The following ZNF599 variants were observed in gnomAD, a reference collection of about 807,000 sequenced individuals.
The protein encoded by ZNF599 is zinc finger protein 599.
A neutral mutation model predicts 11.7 loss-of-function variants in ZNF599; 10 were observed. That is an observed-to-expected ratio of 0.86 (90% confidence interval 0.53 to 1.45). The LOEUF (loss-of-function observed/expected upper bound fraction) is 1.45, where lower values mean the gene tolerates loss of function less well. Ranked by LOEUF, ZNF599 falls within the 40% of genes most tolerant of loss-of-function variation. ZNF599 has a pLI of 0.00. For missense variants in ZNF599, 688 were observed against 713.6 expected (o/e 0.96, Z 0.41); for synonymous variants, 232 against 253.2 (o/e 0.92, Z 0.79).
chr19:34,798,389 A>G, the ZNF599 span, among the ~76,000 whole-genome samples: 9 of 152,190 alleles, frequency 5.9e-5, no homozygotes, highest in Non-Finnish European at 1.5e-5. Flanking sequence ...TAACTTAAAC[A>G]TGTATTCTTA....
chr19:34,759,131 T>C lies in ZNF599; in HGVS notation c.1670A>G (p.His557Arg), dbSNP rs371188132. 75 of 1,614,138 alleles carry C rather than the reference T, an allele frequency of 4.6e-5. No individual in the cohort carries two copies. Among genetic ancestry groups the C allele is most frequent in the Non-Finnish European group, 5.7e-5 (67 of 1,180,052 alleles). ...NFALTQHMRT[H>R]TGEKPFECNE... ...GCATTCAAAGGGTTTCTCTCCAGTGTGAGTTCTCATGTGCTGAGTTAAAGC... is the reference window on the plus strand; with the variant it reads ...GCATTCAAAGGGTTTCTCTCCAGTGCGAGTTCTCATGTGCTGAGTTAAAGC... The change falls in exon 4 of 4, where the codon CAC (histidine) becomes CGC (arginine). Residue 557 changes from histidine to arginine, a missense_variant. By Grantham distance (29) the His-to-Arg change is conservative. Coordinates refer to ENST00000329285, the MANE Select transcript of ZNF599 (RefSeq NM_001007248.3).
upstream of ZNF599, among the ~76,000 whole-genome samples, chr19:34,776,645 A>T (rs2069217714): frequency 6.6e-6 from 1 of 152,246 alleles, no homozygotes; most frequent in South Asian, 2.1e-4. Context: ...GTGAGGAATT[A>T]GTGGAGCCCC....
intron 3 of ZNF599, chr19:34,763,443 T>G (rs530965028): frequency 6.6e-6 from 1 of 152,226 alleles, no homozygotes; most frequent in East Asian, 1.9e-4. Flanking sequence ...GGCGGATCAC[T>G]GAAGGTCGGG....
chr19:34,772,914 C>A lies in ZNF599; in HGVS notation c.-73G>T. 2 of 1,394,890 alleles carry A rather than the reference C, an allele frequency of 1.4e-6. No homozygotes were observed. The highest frequency in any genetic ancestry group is 9.3e-7 in the Non-Finnish European group (1 of 1,079,320). The allele number at this position is 1,394,890 out of a possible 1,614,324, so 86.4% of individuals were successfully genotyped here. ...TCCTGCGGGCTCGGCCGACCCCGGG[C>A]TCCGGCTCTGGGCTGCGAGGGACCT... On this transcript the variant is annotated 5_prime_UTR_variant, in exon 1 of 4. Coordinates refer to ENST00000329285, the MANE Select transcript of ZNF599 (RefSeq NM_001007248.3).
rs141393123 is a variant in ZNF599, at chr19:34,771,460, G to A, written c.18+1364C>T. ...CTGCCTCTCAGCACATTATCAATGC[G>A]CTCAGTGAAGACCAGCTACTATTTG... On this transcript the variant is annotated intron_variant, in intron 1 of 3. Transcript: ENST00000329285. Among the ~76,000 whole-genome samples, 699 of 152,264 alleles carry A rather than the reference G, an allele frequency of 4.6e-3. 5 individuals are homozygous for A. Among genetic ancestry groups the A allele is most frequent in the African/African-American group, 0.016 (680 of 41,552 alleles).
At chr19:34,765,964 T>C (rs1230284444) in intron 3 of ZNF599, among the ~76,000 whole-genome samples, 3 of 152,092 alleles carry the variant, frequency 2.0e-5, no homozygotes, top group Non-Finnish European at 2.9e-5. Flanking sequence ...ATGGTCAAGA[T>C]TCGGGGATGG....
chr19:34,797,275 C>T, the ZNF599 span, among the ~76,000 whole-genome samples: 6 of 152,144 alleles, frequency 3.9e-5, no homozygotes, highest in Non-Finnish European at 8.8e-5. Flanking sequence ...AATAAACATA[C>T]GTGTGCATGT....
chr19:34,788,010 T>A, the ZNF599 span, among the ~76,000 whole-genome samples: 1 of 152,254 alleles, frequency 6.6e-6, no homozygotes, highest in African/African-American at 2.4e-5. Flanking sequence ...ACGCCTTTTT[T>A]TCTTATTATT....
At chr19:34,772,776 T>G in intron 1 of ZNF599, 48 bp downstream of exon 1, 1 of 1,534,832 alleles carries the variant, frequency 6.5e-7, no homozygotes. Context: ...GATGGGTGCA[T>G]GCGGGCGGTG....
chr19:34,780,703 CAAGAAAGAGAAAGAAGGA>C, the ZNF599 span, among the ~76,000 whole-genome samples: 1 of 121,754 alleles, frequency 8.2e-6, no homozygotes, highest in Non-Finnish European at 1.6e-5. Context: ...AGAGAGAAAG[CAAGAAAGAGAAAGAAGGA>C]AAGAAAGAGA....
chr19:34,798,539 A>G, the ZNF599 span, among the ~76,000 whole-genome samples: 2 of 152,240 alleles, frequency 1.3e-5, no homozygotes, highest in African/African-American at 2.4e-5. Flanking sequence ...CAATTCCAGT[A>G]TACATGTATA....
the ZNF599 span, among the ~76,000 whole-genome samples, chr19:34,788,253 C>T: frequency 5.3e-5 from 8 of 152,280 alleles, 1 homozygote; most frequent in Admixed American, 4.6e-4. Flanking sequence ...ATTTCTCCTC[C>T]ACACTCAATA....
the ZNF599 span, among the ~76,000 whole-genome samples, chr19:34,786,164 T>G: frequency 2.0e-5 from 3 of 152,316 alleles, no homozygotes; most frequent in African/African-American, 7.2e-5. Flanking sequence ...TCTCCTCACC[T>G]AGGCCCTGAT....
the ZNF599 span, among the ~76,000 whole-genome samples, chr19:34,789,133 C>G: frequency 6.6e-6 from 1 of 152,166 alleles, no homozygotes; most frequent in East Asian, 1.9e-4. Flanking sequence ...ACTCCTATGA[C>G]TTTTTTAGAT....
chr19:34,770,523 A>C (rs2069176687), intron 1 of ZNF599, among the ~76,000 whole-genome samples: 1 of 152,236 alleles, frequency 6.6e-6, no homozygotes, highest in South Asian at 2.1e-4. Context: ...GGGAGAGCTC[A>C]AACAAAGTTT....
chr19:34,782,887 A>G, the ZNF599 span, among the ~76,000 whole-genome samples: 1 of 152,158 alleles, frequency 6.6e-6, no homozygotes, highest in Non-Finnish European at 1.5e-5. Flanking sequence ...GATGGAGGCT[A>G]TTGACTCCAT....
upstream of ZNF599, among the ~76,000 whole-genome samples, chr19:34,777,240 T>G (rs1297148910): frequency 7.6e-6 from 1 of 131,982 alleles, no homozygotes; most frequent in Non-Finnish European, 1.6e-5. Flanking sequence ...TATTTAAATA[T>G]ATATTTAAAA....
the ZNF599 span, among the ~76,000 whole-genome samples, chr19:34,789,670 A>G: frequency 1.5e-4 from 23 of 152,252 alleles, no homozygotes; most frequent in African/African-American, 5.5e-4. Context: ...CTAAATGTCT[A>G]TTCAGGTCCT....
At chr19:34,785,919 C>G in the ZNF599 span, among the ~76,000 whole-genome samples, 2 of 152,112 alleles carry the variant, frequency 1.3e-5, no homozygotes, top group Non-Finnish European at 2.9e-5. Context: ...GGTGCTCCAA[C>G]TTGGGTGCTC....
Sources: gnomAD v4.1 joint callset for allele counts (sites outside exome capture counted in the v4.1 genomes callset) on GRCh38, gnomAD v4.1.1 for gene constraint, MANE v1.5 for transcripts, NCBI Gene and HGNC (gene_info 2026-07-23, HGNC 2026-07-21) for gene names.